Variants in ARHGEF26 observed in about 807,000 individuals in gnomAD.
ARHGEF26 encodes Rho guanine nucleotide exchange factor 26.
In ARHGEF26, 59 loss-of-function variants were observed where a neutral mutation model predicts 89.4. That is an observed-to-expected ratio of 0.66 (90% CI 0.54 to 0.82). ARHGEF26 has a LOEUF of 0.82. Ranked by LOEUF, ARHGEF26 falls within the 40% of genes least tolerant of loss-of-function variation. The probability of loss-of-function intolerance (pLI) is 0.00; values close to 1 mark genes in which losing one functional copy is unlikely to be tolerated. For synonymous variants in ARHGEF26, 500 were observed against 428.4 expected, an observed-to-expected ratio of 1.17 and a Z score of -2.06; for missense variants, 1,234 against 1,085.6, an observed-to-expected ratio of 1.14 and a Z score of -1.92.
intron 6 of ARHGEF26, among the ~76,000 whole-genome samples, chr3:154,157,476 T>C (rs1365437863): frequency 6.6e-6 from 1 of 152,152 alleles, no homozygotes; most frequent in Non-Finnish European, 1.5e-5. Context: ...TCCTAAAGCC[T>C]ATGTGGAAAC....
intron 4 of ARHGEF26, among the ~76,000 whole-genome samples, chr3:154,134,410 GGCA>G (rs1718879838): frequency 1.3e-5 from 2 of 152,132 alleles, no homozygotes; most frequent in Non-Finnish European, 2.9e-5. Flanking sequence ...TTATGTGGAT[GGCA>G]GCAGGCAAAG....
intron 6 of ARHGEF26, among the ~76,000 whole-genome samples, chr3:154,183,318 G>C (rs976988053): frequency 4.6e-5 from 7 of 152,150 alleles, no homozygotes; most frequent in African/African-American, 1.4e-4. Flanking sequence ...GATAAAGGTT[G>C]TGTAACATGA....
chr3:154,159,037 A>G (rs1713810), intron 6 of ARHGEF26, among the ~76,000 whole-genome samples: 138,151 of 152,078 alleles, frequency 0.91, 62,971 homozygotes, highest in East Asian at 1. Context: ...CCCTTCTCCC[A>G]TATTTAGAAA....
chr3:154,122,372 C>T lies in ARHGEF26; in HGVS notation c.380C>T (p.Ser127Phe). The T allele has an allele frequency of 6.2e-7, 1 of 1,612,394 alleles. No individual in the cohort carries two copies. Among genetic ancestry groups the T allele is most frequent in the Non-Finnish European group, 8.5e-7 (1 of 1,179,608 alleles). Reference sequence around the variant, plus strand: ...GCGGTGCCTGGCGGCTCCCCGAAATCCCCAGCAAATGGCGCGGTGACCTTG... The same window carrying T: ...GCGGTGCCTGGCGGCTCCCCGAAATTCCCAGCAAATGGCGCGGTGACCTTG... Reference protein sequence around the residue: ...PKAVPGGSPKSPANGAVTLPA... With the variant: ...PKAVPGGSPKFPANGAVTLPA... Residue 127 changes from serine to phenylalanine, a missense_variant, in exon 2 of 15, where the codon TCC (serine) becomes TTC (phenylalanine). Coordinates refer to ENST00000465093, the MANE Select transcript of ARHGEF26 (RefSeq NM_015595.4).
At chr3:154,229,555 T>A (rs1716708848) in intron 11 of ARHGEF26, among the ~76,000 whole-genome samples, 1 of 152,208 alleles carries the variant, frequency 6.6e-6, no homozygotes, top group African/African-American at 2.4e-5. Context: ...AGCAGACTTC[T>A]CAACCTTGGC....
rs182624737 is a variant in ARHGEF26 at position 154,190,294 on chromosome 3, T to C, written c.1641-995T>C. Reference sequence around the variant, plus strand: ...TGGGAGGCCGAGGCAGGTGGATTACTTGAGGCCAGGAGTTCGAGACTACCC... The same window carrying C: ...TGGGAGGCCGAGGCAGGTGGATTACCTGAGGCCAGGAGTTCGAGACTACCC... On this transcript the variant is annotated intron_variant, in intron 7 of 14. Transcript: ENST00000465093. 4.7e-3 allele frequency among the ~76,000 whole-genome samples: 710 copies of C among 152,282 alleles called. 4 individuals carry two copies. Among genetic ancestry groups the C allele is most frequent in the Middle Eastern group, 0.017 (5 of 294 alleles).
chr3:154,225,166 TG>T (rs962032720), intron 10 of ARHGEF26, among the ~76,000 whole-genome samples: 1 of 152,174 alleles, frequency 6.6e-6, no homozygotes, highest in Admixed American at 6.5e-5. Flanking sequence ...TGTAATTTTT[TG>T]GATACAGCCT....
chr3:154,240,559 G>A lies in ARHGEF26; in HGVS notation c.2280G>A (p.Met760Ile). ...LSNHANEKVE[M>I]LLGAETQSER... ...ACCACGCGAATGAGAAAGTGGAGAT[G>A]CTACTAGGAGCTGAGACGCAGTAAG... The change falls in exon 12 of 15, where the codon ATG becomes ATA. Residue 760 changes from methionine (M) to isoleucine (I), a missense_variant. By Grantham distance (10) the Met-to-Ile change is conservative. Coordinates refer to ENST00000465093, the MANE Select transcript of ARHGEF26 (RefSeq NM_015595.4). 6.2e-7 allele frequency: 1 copy of A among 1,610,758 alleles called. No individual in the cohort carries two copies. Among genetic ancestry groups the A allele is most frequent in the Non-Finnish European group, 8.5e-7 (1 of 1,178,378 alleles).
chr3:154,127,736 C>T (rs1718420390), intron 3 of ARHGEF26, among the ~76,000 whole-genome samples: 1 of 151,424 alleles, frequency 6.6e-6, no homozygotes, highest in South Asian at 2.1e-4. Flanking sequence ...ATTGTATGTG[C>T]TATACTTTTG....
intron 6 of ARHGEF26, among the ~76,000 whole-genome samples, chr3:154,155,923 A>G (rs1720313651): frequency 1.3e-5 from 2 of 152,036 alleles, no homozygotes; most frequent in South Asian, 4.1e-4. Flanking sequence ...CTTTAAAGGA[A>G]TATTTAATAA....
chr3:154,129,296 G>T (rs916645068), intron 3 of ARHGEF26, among the ~76,000 whole-genome samples: 3 of 152,112 alleles, frequency 2.0e-5, no homozygotes, highest in Non-Finnish European at 4.4e-5. Flanking sequence ...GATTTAACAG[G>T]CCTGACTGTC....
intron 6 of ARHGEF26, among the ~76,000 whole-genome samples, chr3:154,166,240 C>T (rs142637007): frequency 8.8e-4 from 133 of 151,974 alleles, no homozygotes; most frequent in Non-Finnish European, 1.4e-3. Flanking sequence ...TTAGTAGAGA[C>T]GGGGTTTCAC....
chr3:154,134,510 A>G (rs1039525112), intron 4 of ARHGEF26, among the ~76,000 whole-genome samples: 1 of 152,148 alleles, frequency 6.6e-6, no homozygotes, highest in African/African-American at 2.4e-5. Context: ...CACAGGAAAG[A>G]CTGGCCCCCA....
intron 11 of ARHGEF26, among the ~76,000 whole-genome samples, chr3:154,228,902 A>G (rs1716662902): frequency 6.6e-6 from 1 of 152,200 alleles, no homozygotes; most frequent in Admixed American, 6.5e-5. Flanking sequence ...TTCTAATTCC[A>G]GGTTTCAGTC....
chr3:154,174,349 G>A (rs1207979749), intron 6 of ARHGEF26, among the ~76,000 whole-genome samples: 1 of 152,096 alleles, frequency 6.6e-6, no homozygotes, highest in East Asian at 1.9e-4. Context: ...ACATGTGTAG[G>A]GCAGTTTCAA....
chr3:154,203,780 T>A (rs1714823393), intron 9 of ARHGEF26, among the ~76,000 whole-genome samples: 3 of 152,250 alleles, frequency 2.0e-5, no homozygotes, highest in African/African-American at 7.2e-5. Context: ...TGTATTACAC[T>A]GATTGGTTTG....
chr3:154,239,271 A>G (rs1230065719), intron 11 of ARHGEF26, among the ~76,000 whole-genome samples: 2,220 of 88,780 alleles, frequency 0.025, 55 homozygotes, highest in African/African-American at 0.081. Flanking sequence ...GGAGAGAGAG[A>G]GAGAGAGAGA....
intron 12 of ARHGEF26, among the ~76,000 whole-genome samples, chr3:154,252,848 T>C (rs1718242565): frequency 6.6e-6 from 1 of 152,222 alleles, no homozygotes; most frequent in African/African-American, 2.4e-5. Flanking sequence ...ATCAGCTCCT[T>C]ATTAACTTTT....
At chr3:154,178,064 C>T (rs1712938648) in intron 6 of ARHGEF26, among the ~76,000 whole-genome samples, 2 of 151,988 alleles carry the variant, frequency 1.3e-5, no homozygotes. Flanking sequence ...ATTAGCCTGG[C>T]ATGGTGGTGG....
Sources: gnomAD v4.1 joint callset for allele counts (sites outside exome capture counted in the v4.1 genomes callset) on GRCh38, gnomAD v4.1.1 for gene constraint, MANE v1.5 for transcripts, NCBI Gene and HGNC (gene_info 2026-07-23, HGNC 2026-07-21) for gene names.